The following CFAP54 variants were observed in gnomAD, a reference collection of about 807,000 sequenced individuals.
CFAP54 encodes cilia- and flagella-associated protein 54.
In CFAP54, 290 loss-of-function variants were observed where a neutral mutation model predicts 370.4. The ratio of observed to expected loss-of-function variants is 0.78; its 90% CI spans 0.71 to 0.86. The LOEUF (loss-of-function observed/expected upper bound fraction) is 0.86, where lower values mean the gene tolerates loss of function less well. CFAP54 is among the 40% of genes least tolerant of loss of function. The pLI, the probability that CFAP54 is intolerant of heterozygous loss-of-function variation, is 0.00. For synonymous variants in CFAP54, 1,206 were observed against 1,236.5 expected, an observed-to-expected ratio of 0.98 and a Z score of 0.52; for missense variants, 3,399 against 3,528.7, an observed-to-expected ratio of 0.96 and a Z score of 0.93.
chr12:96,691,469 A>G lies in CFAP54; in HGVS notation c.6264+159A>G, dbSNP rs116215910. 4.5e-3 allele frequency among the ~76,000 whole-genome samples: 681 copies of G among 152,306 alleles called. 6 individuals are homozygous for G. Among genetic ancestry groups the G allele is most frequent in the African/African-American group, 0.016 (658 of 41,576 alleles). On this transcript the variant is annotated intron_variant, in intron 44 of 67. Transcript: ENST00000524981. Reference sequence around the variant, plus strand: ...TTACTTACACTTCAAACTAAAATGTATTAATTAATATTCTTTCTTTGCATT... The same window carrying G: ...TTACTTACACTTCAAACTAAAATGTGTTAATTAATATTCTTTCTTTGCATT...
chr12:96,499,260 G>A (rs960695738), intron 1 of CFAP54, among the ~76,000 whole-genome samples: 5 of 152,144 alleles, frequency 3.3e-5, no homozygotes, highest in African/African-American at 1.2e-4. Context: ...TTACAGGCAT[G>A]AGCCACTGTG....
At chr12:96,610,218 T>C (rs1565913220) in intron 26 of CFAP54, among the ~76,000 whole-genome samples, 1 of 152,256 alleles carries the variant, frequency 6.6e-6, no homozygotes, top group Non-Finnish European at 1.5e-5. Context: ...GATAGTGTGT[T>C]ATAATAGTTT....
intron 67 of CFAP54, among the ~76,000 whole-genome samples, chr12:96,870,063 A>G (rs937669471): frequency 2.2e-4 from 34 of 151,314 alleles, no homozygotes; most frequent in Non-Finnish European, 4.7e-4. Context: ...AGAGATTGAG[A>G]CCATCTGGCC....
intron 46 of CFAP54, among the ~76,000 whole-genome samples, chr12:96,704,475 T>C (rs1385575599): frequency 1.0e-5 from 1 of 99,122 alleles, no homozygotes; most frequent in Non-Finnish European, 1.9e-5. Flanking sequence ...TATATATATA[T>C]ATATATATAT....
chr12:96,855,081 G>A (rs1317980979), intron 66 of CFAP54, among the ~76,000 whole-genome samples: 2 of 152,160 alleles, frequency 1.3e-5, no homozygotes, highest in East Asian at 3.9e-4. Context: ...GCAAGGAGAA[G>A]TGTGCAGTGA....
In CFAP54 at chr12:96,528,081, A is replaced by G. The variant is rs552263883; in HGVS notation, c.1357+637A>G. On this transcript the variant is annotated intron_variant, in intron 9 of 67. Coordinates refer to ENST00000524981, the MANE Select transcript of CFAP54 (RefSeq NM_001306084.2). ...GGATCTCCAATAACACATGGGAAGA[A>G]GTGGTGATAGCAGACTCCTTTGTCT... is the stretch of plus-strand genomic sequence containing the variant. Among the ~76,000 whole-genome samples the G allele has an allele frequency of 3.7e-4, 57 of 152,272 alleles. 1 individual carries two copies. The highest frequency in any genetic ancestry group is 1.2e-3 in the African/African-American group (51 of 41,568).
At chr12:96,786,443 A>G (rs568151710) in intron 61 of CFAP54, among the ~76,000 whole-genome samples, 4 of 152,156 alleles carry the variant, frequency 2.6e-5, no homozygotes, top group Non-Finnish European at 5.9e-5. Flanking sequence ...AGCCTCCCAA[A>G]GTGCTGGGAT....
intron 14 of CFAP54, among the ~76,000 whole-genome samples, chr12:96,545,305 G>T (rs908726473): frequency 3.3e-5 from 5 of 152,064 alleles, no homozygotes; most frequent in Admixed American, 6.6e-5. Context: ...CAGATAACGG[G>T]TTGATGGGTG....
intron 14 of CFAP54, among the ~76,000 whole-genome samples, chr12:96,545,373 G>A (rs903561555): frequency 2.0e-5 from 3 of 151,950 alleles, no homozygotes; most frequent in African/African-American, 4.8e-5. Context: ...TTCTGCACAT[G>A]TACCCCAGAA....
chr12:96,718,295 G>T (rs1296325277), intron 48 of CFAP54, 148 bp from the exon 49 acceptor site: 1 of 531,074 alleles, frequency 1.9e-6, no homozygotes, highest in Admixed American at 3.4e-5. Flanking sequence ...GGAGGTGAAG[G>T]TTGCAGTGAG....
At chr12:96,822,325 T>C (rs564194563) in intron 65 of CFAP54, among the ~76,000 whole-genome samples, 17 of 152,294 alleles carry the variant, frequency 1.1e-4, no homozygotes, top group African/African-American at 3.6e-4. Flanking sequence ...GTTTAGAATA[T>C]GTTTGCCAAG....
At chr12:96,853,296 G>A (rs1959603246) in intron 66 of CFAP54, among the ~76,000 whole-genome samples, 1 of 151,942 alleles carries the variant, frequency 6.6e-6, no homozygotes, top group Admixed American at 6.6e-5. Context: ...ACTCAAAAAA[G>A]CCAGACAGGA....
intron 63 of CFAP54, among the ~76,000 whole-genome samples, chr12:96,803,631 G>C (rs909456720): frequency 6.6e-6 from 1 of 152,116 alleles, no homozygotes; most frequent in Non-Finnish European, 1.5e-5. Flanking sequence ...CACTGACCTT[G>C]TGTATTGTCA....
At chr12:96,825,875 A>G (rs1959095120) in intron 65 of CFAP54, among the ~76,000 whole-genome samples, 1 of 137,638 alleles carries the variant, frequency 7.3e-6, no homozygotes, top group South Asian at 2.1e-4. Flanking sequence ...ATAACAGAAT[A>G]TATCAATATA....
chr12:96,670,239 A>G (rs1358757016), intron 39 of CFAP54, among the ~76,000 whole-genome samples: 1 of 152,208 alleles, frequency 6.6e-6, no homozygotes, highest in South Asian at 2.1e-4. Flanking sequence ...CATATACCGT[A>G]TGCTTTATGT....
chr12:96,571,714 CCTT>C (rs1955919594), intron 19 of CFAP54, among the ~76,000 whole-genome samples: 1 of 151,796 alleles, frequency 6.6e-6, no homozygotes, highest in Non-Finnish European at 1.5e-5. Flanking sequence ...GGGAATTTTT[CCTT>C]CTTGATTTTT....
At chr12:96,870,591 A>G (rs1960132745) in intron 67 of CFAP54, among the ~76,000 whole-genome samples, 1 of 152,232 alleles carries the variant, frequency 6.6e-6, no homozygotes, top group Non-Finnish European at 1.5e-5. Context: ...AGCTCTTACC[A>G]TTATTACATT....
At chr12:96,610,767 C>T (rs950126189) in intron 26 of CFAP54, among the ~76,000 whole-genome samples, 48 of 152,218 alleles carry the variant, frequency 3.2e-4, no homozygotes, top group African/African-American at 9.2e-4. Flanking sequence ...GAGGGTCCCA[C>T]GGCCACAGAG....
chr12:96,817,603 G>A (rs1261176989), intron 64 of CFAP54, among the ~76,000 whole-genome samples, 172 bp from the exon 65 acceptor site: 1 of 139,456 alleles, frequency 7.2e-6, no homozygotes, highest in South Asian at 2.8e-4. Flanking sequence ...TATATTTTTA[G>A]TAGAGACGGG....
Sources: allele counts gnomAD v4.1 joint callset (sites outside exome capture counted in the v4.1 genomes callset), GRCh38; gene constraint gnomAD v4.1.1; transcripts MANE v1.5; gene names NCBI Gene and HGNC (gene_info 2026-07-23, HGNC 2026-07-21).